The following OSBPL6 variants were observed in gnomAD, a reference collection of about 807,000 sequenced individuals.
OSBPL6 encodes oxysterol binding protein like 6.
Under a neutral mutation model 125.8 loss-of-function variants are expected in OSBPL6, and 49 were observed. That is an observed-to-expected ratio of 0.39 (90% CI 0.31 to 0.49). The LOEUF (loss-of-function observed/expected upper bound fraction) is 0.49, where lower values mean the gene tolerates loss of function less well. Ranked by LOEUF, OSBPL6 falls within the 20% of genes least tolerant of loss-of-function variation. The probability of loss-of-function intolerance (pLI) is 0.88; values close to 1 mark genes in which losing one functional copy is unlikely to be tolerated. For synonymous variants in OSBPL6, 394 were observed against 391.8 expected (o/e 1.01, Z -0.07); for missense variants, 986 against 1,135.4 (o/e 0.87, Z 1.89).
chr2:178,271,203 T>A (rs1254988803), intron 1 of OSBPL6, among the ~76,000 whole-genome samples: 2 of 152,230 alleles, frequency 1.3e-5, no homozygotes, highest in African/African-American at 4.8e-5. Flanking sequence ...CTCGGCATTT[T>A]AAAATTTATT....
In OSBPL6 at chr2:178,385,437, T is replaced by C. The variant is rs200685527; in HGVS notation, c.2014-21T>C. ...GAAGTCTTAACACTGATACTGCCTT[T>C]TTTTTGTTTTTAATTACCAGGTTAG... On this transcript the variant is annotated intron_variant, in intron 18 of 24. Transcript: ENST00000190611. 6 of 1,547,090 alleles carry C rather than the reference T, an allele frequency of 3.9e-6. No homozygotes were observed. The Admixed American group carries it at 5.2e-5, about 13-fold the overall frequency.
At chr2:178,332,613 A>C in intron 6 of OSBPL6, 28 bp from the exon 7 acceptor site, 9 of 1,475,668 alleles carry the variant, frequency 6.1e-6, no homozygotes, top group Non-Finnish European at 8.5e-6. Flanking sequence ...ATATCCTTTC[A>C]GCCTATTTAC....
At chr2:178,309,000 T>C (rs1386551441) in intron 3 of OSBPL6, among the ~76,000 whole-genome samples, 1 of 152,144 alleles carries the variant, frequency 6.6e-6, no homozygotes, top group Non-Finnish European at 1.5e-5. Context: ...TCTAGCATGA[T>C]CTGGTCCAGG....
intron 1 of OSBPL6, among the ~76,000 whole-genome samples, chr2:178,261,260 T>C (rs1221223313): frequency 6.6e-6 from 1 of 152,200 alleles, no homozygotes; most frequent in Non-Finnish European, 1.5e-5. Context: ...GGTGGTTCTT[T>C]GAGGAATTCT....
In OSBPL6 at chr2:178,402,341, T is replaced by C. The variant is rs1449512855; in HGVS notation, c.*6782T>C. 6.6e-6 allele frequency: 1 copy of C among 152,208 alleles called. No homozygotes were observed. Among genetic ancestry groups the C allele is most frequent in the African/African-American group, 2.4e-5 (1 of 41,446 alleles). The allele number at this position is 152,208 out of a possible 1,614,324, so 9.4% of individuals were successfully genotyped here. On this transcript the variant is annotated 3_prime_UTR_variant, in exon 25 of 25. Transcript: ENST00000190611. ...ACCAGCCAGATAACCAGAAGTTTACTCTTCAAAGCCAAGAATCAGTACCCC... is the reference window on the plus strand; with the variant it reads ...ACCAGCCAGATAACCAGAAGTTTACCCTTCAAAGCCAAGAATCAGTACCCC...
intron 1 of OSBPL6, among the ~76,000 whole-genome samples, chr2:178,258,427 A>G (rs2091953584): frequency 6.6e-6 from 1 of 152,158 alleles, no homozygotes; most frequent in Non-Finnish European, 1.5e-5. Flanking sequence ...ACATTTTATC[A>G]TGGAAAATTT....
At chr2:178,322,228 C>G (rs116235732) in intron 3 of OSBPL6, among the ~76,000 whole-genome samples, 1 of 152,084 alleles carries the variant, frequency 6.6e-6, no homozygotes, top group African/African-American at 2.4e-5. Context: ...TTTTGTTTTT[C>G]TTACCACGTT....
intron 4 of OSBPL6, among the ~76,000 whole-genome samples, chr2:178,327,899 T>C (rs1227045275): frequency 2.6e-5 from 4 of 152,126 alleles, no homozygotes; most frequent in Admixed American, 2.0e-4. Context: ...ATCAAAGTAG[T>C]CTTATTTTGA....
At chr2:178,248,173 G>A (rs565138097) in intron 1 of OSBPL6, among the ~76,000 whole-genome samples, 1 of 152,306 alleles carries the variant, frequency 6.6e-6, no homozygotes, top group Non-Finnish European at 1.5e-5. Context: ...CAGAATATAA[G>A]AAGACCATAT....
intron 9 of OSBPL6, among the ~76,000 whole-genome samples, chr2:178,337,167 A>G (rs1001260124): frequency 1.3e-5 from 2 of 152,224 alleles, no homozygotes; most frequent in African/African-American, 4.8e-5. Flanking sequence ...CGAGAAAAAC[A>G]AGGGCAATGC....
intron 13 of OSBPL6, among the ~76,000 whole-genome samples, chr2:178,371,247 A>G (rs1472672464): frequency 6.6e-6 from 1 of 152,226 alleles, no homozygotes; most frequent in African/African-American, 2.4e-5. Context: ...CTACATCTGT[A>G]GTCTATAAAT....
intron 1 of OSBPL6, among the ~76,000 whole-genome samples, chr2:178,196,167 C>T (rs112109941): frequency 0.035 from 5,313 of 152,104 alleles, 145 homozygotes; most frequent in Middle Eastern, 0.13. Context: ...AGCAGGGTTC[C>T]CAAGGTCGAA....
At position 178,220,503 on chromosome 2, in the gene OSBPL6, G is replaced by A. The variant is rs571769818; in HGVS notation, c.-351+25829G>A. ...TATCATTTTGTAGACACAGAGTCTCGCCATGTTGCCCAGGCTGGTCTTGAA... is the reference window on the plus strand; with the variant it reads ...TATCATTTTGTAGACACAGAGTCTCACCATGTTGCCCAGGCTGGTCTTGAA... On this transcript the variant is annotated intron_variant, in intron 1 of 24. Transcript: ENST00000190611. Among the ~76,000 whole-genome samples the A allele has an allele frequency of 6.6e-5, 10 of 152,032 alleles. No individual in the cohort carries two copies. The South Asian group carries it at 1.2e-3, about 19-fold the overall frequency.
rs921294927 is a variant in OSBPL6 at position 178,396,037 on chromosome 2, T to C, written c.*478T>C. ...TCAAGTGTGTCTGTTTGATGTGGTG[T>C]GATTGTGCTGGCCTTGTCGAAAAAG... On this transcript the variant is annotated 3_prime_UTR_variant, in exon 25 of 25. Coordinates refer to ENST00000190611, the MANE Select transcript of OSBPL6 (RefSeq NM_032523.4). The C allele has an allele frequency of 5.5e-5, 15 of 272,950 alleles. No homozygotes were observed. Among genetic ancestry groups the C allele is most frequent in the Non-Finnish European group, 1.1e-4 (15 of 136,258 alleles). 16.9% of individuals were successfully genotyped at this position (272,950 alleles called of 1,614,324 possible).
At chr2:178,296,530 A>G (rs749108896) in intron 2 of OSBPL6, among the ~76,000 whole-genome samples, 3 of 152,184 alleles carry the variant, frequency 2.0e-5, no homozygotes, top group Non-Finnish European at 4.4e-5. Context: ...GTACTGGCAA[A>G]TGTTTAACAA....
intron 11 of OSBPL6, among the ~76,000 whole-genome samples, chr2:178,343,458 T>C (rs1030070455): frequency 2.0e-5 from 3 of 152,018 alleles, no homozygotes; most frequent in Non-Finnish European, 4.4e-5. Context: ...CAAAGTTGAA[T>C]GGTTAGAAGG....
At chr2:178,269,143 G>A (rs1336556955) in intron 1 of OSBPL6, among the ~76,000 whole-genome samples, 7 of 152,128 alleles carry the variant, frequency 4.6e-5, no homozygotes, top group African/African-American at 1.7e-4. Context: ...TTATTATAAA[G>A]GATACAGTTG....
chr2:178,227,033 A>G (rs2090593483), intron 1 of OSBPL6, among the ~76,000 whole-genome samples: 1 of 152,228 alleles, frequency 6.6e-6, no homozygotes, highest in African/African-American at 2.4e-5. Context: ...AAACTGGGTG[A>G]TGGCTACACA....
intron 12 of OSBPL6, among the ~76,000 whole-genome samples, chr2:178,351,545 G>A (rs7591753): frequency 0.031 from 4,784 of 152,160 alleles, 239 homozygotes; most frequent in African/African-American, 0.11. Flanking sequence ...CCTGTACACT[G>A]AGAACTATAA....
Sources: gnomAD v4.1 joint callset for allele counts (sites outside exome capture counted in the v4.1 genomes callset) on GRCh38, gnomAD v4.1.1 for gene constraint, MANE v1.5 for transcripts, NCBI Gene and HGNC (gene_info 2026-07-23, HGNC 2026-07-21) for gene names.